Variants in TBC1D16 observed in about 807,000 individuals in gnomAD.
TBC1D16 encodes the protein CTD-2529O21.1.
TBC1D16 carries 58 observed loss-of-function variants against 74.7 expected under a neutral mutation model. The ratio of observed to expected loss-of-function variants is 0.78; its 90% CI spans 0.63 to 0.97. TBC1D16 has a LOEUF of 0.97. Ranked by LOEUF, TBC1D16 falls within the 50% of genes least tolerant of loss-of-function variation. TBC1D16 has a pLI of 0.00. For missense variants in TBC1D16, 1,014 were observed against 1,079.5 expected, an observed-to-expected ratio of 0.94 and a Z score of 0.85; for synonymous variants, 493 against 474.7, an observed-to-expected ratio of 1.04 and a Z score of -0.50.
intron 1 of TBC1D16, among the ~76,000 whole-genome samples, chr17:80,023,178 C>T (rs1194407495): frequency 6.7e-6 from 1 of 149,976 alleles, no homozygotes; most frequent in Non-Finnish European, 1.5e-5. Context: ...ATTTTAACTT[C>T]CTCCCCAGGC....
In TBC1D16 at chr17:80,008,206, C is replaced by T. The variant is rs1332638022; in HGVS notation, c.779+1954G>A. On this transcript the variant is annotated intron_variant, in intron 3 of 11. Transcript: ENST00000310924. The surrounding 1 kb of genome is among the most constrained non-coding windows in gnomAD (Gnocchi z 4.5). ...CAGCAAGGCGAAGGGCGGGGAAAAG[C>T]GAACCGGGGTGCATTCTCACAATAC... is the stretch of plus-strand genomic sequence containing the variant. Among the ~76,000 whole-genome samples, 24 of 152,162 alleles carry T rather than the reference C, an allele frequency of 1.6e-4. No homozygotes were observed. Among genetic ancestry groups the T allele is most frequent in the Non-Finnish European group, 2.9e-5 (2 of 68,006 alleles).
Position 79,950,729 on chromosome 17 carries a change from A to C in TBC1D16, c.1090-151T>G, listed in dbSNP as rs920406602. The C allele has an allele frequency of 1.2e-5, 18 of 1,536,960 alleles. No homozygotes were observed. The African/African-American group carries it at 2.3e-4, about 20-fold the overall frequency. On this transcript the variant is annotated intron_variant, in intron 5 of 11. Transcript: ENST00000310924. This position sits in a 1 kb window ranked among gnomAD's most constrained non-coding sequence, Gnocchi z 4.6. ...ATACAAACCCCTAAATGGCGAGTGT[A>C]ATTAGGCGCAATTAAAATGAAAATA... is the stretch of plus-strand genomic sequence containing the variant.
rs1372044061 is a variant in TBC1D16 at position 80,013,371 on chromosome 17, G to A, written c.177C>T (p.His59=). The A allele has an allele frequency of 2.5e-6, 4 of 1,603,412 alleles. No homozygotes were observed. The African/African-American group carries it at 5.3e-5, about 21-fold the overall frequency. The stretch of plus-strand genomic sequence containing the variant: ...GCCTCGCCTGCCCTGGCTCACCTGG[G>A]TGGTGCTCCCCCAGCCCCTGCAGCC... ...PEGLQGLGEH[H]PGYLCLYMEK... The change falls in exon 2 of 12, where the codon CAC becomes CAT. Residue 59 remains histidine (H), a synonymous_variant. Transcript: ENST00000310924.
At chr17:80,004,247 C>A (rs1056905498) in intron 3 of TBC1D16, among the ~76,000 whole-genome samples, 44 of 152,216 alleles carry the variant, frequency 2.9e-4, no homozygotes, top group African/African-American at 1.0e-3. Flanking sequence ...GCAGCCCTGC[C>A]CTGAGAGCCT....
chr17:80,006,218 C>CTCTT (rs543899877), intron 3 of TBC1D16, among the ~76,000 whole-genome samples: 3 of 147,394 alleles, frequency 2.0e-5, no homozygotes, highest in Non-Finnish European at 3.0e-5. Context: ...CTCTCTTTCT[C>CTCTT]TCTTTCTTTC....
chr17:79,985,620 C>T lies in TBC1D16; in HGVS notation c.779+24540G>A, dbSNP rs1256725749. 6.6e-6 allele frequency among the ~76,000 whole-genome samples: 1 copy of T among 152,232 alleles called. No homozygotes were observed. Among genetic ancestry groups the T allele is most frequent in the Non-Finnish European group, 1.5e-5 (1 of 68,036 alleles). The stretch of plus-strand genomic sequence containing the variant: ...TGAGACTGGTGCTGGGTCCAAGGGT[C>T]CCCATCCGGTGGCAGCCATTCCGCA... On this transcript the variant is annotated intron_variant, in intron 3 of 11. Transcript: ENST00000310924. This position sits in a 1 kb window ranked among gnomAD's most constrained non-coding sequence, Gnocchi z 4.9.
chr17:79,943,628 C>T (rs1475306178), intron 10 of TBC1D16, among the ~76,000 whole-genome samples: 2 of 144,916 alleles, frequency 1.4e-5, no homozygotes, highest in African/African-American at 5.1e-5. Context: ...GTGGCTAAAT[C>T]AAGCCCACAG....
chr17:80,020,240 C>G (rs929141376), intron 1 of TBC1D16, among the ~76,000 whole-genome samples: 1 of 149,646 alleles, frequency 6.7e-6, no homozygotes, highest in African/African-American at 2.6e-5. Context: ...GACCCTGGTA[C>G]TTTGTTAGGG....
At position 79,988,280 on chromosome 17, in the gene TBC1D16, G is replaced by A. The variant is rs1482175371; in HGVS notation, c.779+21880C>T. ...CCGAGCCTTTGATGCACTCTCCAAA[G>A]TCACAGAGCAAAACAACACGCTGAA... On this transcript the variant is annotated intron_variant, in intron 3 of 11. Coordinates refer to ENST00000310924, the MANE Select transcript of TBC1D16 (RefSeq NM_019020.4). This position sits in a 1 kb window ranked among gnomAD's most constrained non-coding sequence, Gnocchi z 5.7. Among the ~76,000 whole-genome samples the A allele has an allele frequency of 3.9e-5, 6 of 152,230 alleles. No individual in the cohort carries two copies. Among genetic ancestry groups the A allele is most frequent in the Admixed American group, 6.5e-5 (1 of 15,284 alleles).
At chr17:79,943,157 G>A (rs1393565229) in intron 10 of TBC1D16, among the ~76,000 whole-genome samples, 5 of 152,230 alleles carry the variant, frequency 3.3e-5, no homozygotes, top group South Asian at 2.1e-4. Flanking sequence ...TGACTCCCAC[G>A]CCCCAGCCTG....
In TBC1D16 at chr17:79,983,479, G is replaced by A. The variant is rs1259928159; in HGVS notation, c.779+26681C>T. ...ATCAACAGGAGTGTGGACAACCTGG[G>A]GAACAGCCATGGAGACAGTGTCCCC... On this transcript the variant is annotated intron_variant, in intron 3 of 11. Coordinates refer to ENST00000310924, the MANE Select transcript of TBC1D16 (RefSeq NM_019020.4). This position sits in a 1 kb window ranked among gnomAD's most constrained non-coding sequence, Gnocchi z 5.6. Among the ~76,000 whole-genome samples the A allele has an allele frequency of 2.6e-5, 4 of 152,204 alleles. No homozygotes were observed. Among genetic ancestry groups the A allele is most frequent in the Non-Finnish European group, 5.9e-5 (4 of 68,038 alleles).
Position 79,971,468 on chromosome 17 carries a change from C to T in TBC1D16, c.780-18650G>A, listed in dbSNP as rs1314235042. On this transcript the variant is annotated intron_variant, in intron 3 of 11. Coordinates refer to ENST00000310924, the MANE Select transcript of TBC1D16 (RefSeq NM_019020.4). The surrounding 1 kb of genome is among the most constrained non-coding windows in gnomAD (Gnocchi z 4.6). Reference sequence around the variant, plus strand: ...GGTCATCCTGGTCTGGAAGCCCTGTCCCCCAGGTCATCCTGGTCAGCAGTT... The same window carrying T: ...GGTCATCCTGGTCTGGAAGCCCTGTTCCCCAGGTCATCCTGGTCAGCAGTT... 6.6e-6 allele frequency among the ~76,000 whole-genome samples: 1 copy of T among 152,126 alleles called. No individual in the cohort carries two copies. Among genetic ancestry groups the T allele is most frequent in the Non-Finnish European group, 1.5e-5 (1 of 68,006 alleles).
At position 79,933,429 on chromosome 17, in the gene TBC1D16, A is replaced by G. The variant is rs2031383450; in HGVS notation, c.*7430T>C. ...GGACAAAGGGTGTCCCGACGACGAT[A>G]AAGAGCCAGGAGCAGAGAGCCCTGC... On this transcript the variant is annotated 3_prime_UTR_variant, in exon 12 of 12. Transcript: ENST00000310924. 6.6e-6 allele frequency: 1 copy of G among 152,224 alleles called. No homozygotes were observed. The highest frequency in any genetic ancestry group is 2.4e-5 in the African/African-American group (1 of 41,454). The allele number at this position is 152,224 out of a possible 1,614,324, so 9.4% of individuals were successfully genotyped here.
chr17:80,018,397 T>C (rs1007785974), intron 1 of TBC1D16, among the ~76,000 whole-genome samples: 11 of 149,384 alleles, frequency 7.4e-5, no homozygotes, highest in Non-Finnish European at 1.3e-4. Flanking sequence ...TTCTCCTGCT[T>C]CAGCCTCCCG....
At chr17:79,958,569 A>G (rs192995115) in intron 3 of TBC1D16, among the ~76,000 whole-genome samples, 100 of 152,362 alleles carry the variant, frequency 6.6e-4, no homozygotes, top group African/African-American at 2.2e-3. Flanking sequence ...CAAAGGCTTA[A>G]AAATGTTTAT....
chr17:79,981,192 T>C lies in TBC1D16; in HGVS notation c.780-28374A>G, dbSNP rs373604735. 1.1e-3 allele frequency among the ~76,000 whole-genome samples: 162 copies of C among 152,372 alleles called. No individual in the cohort carries two copies. In the Middle Eastern group the frequency reaches 0.02, roughly 19 times the overall value. The stretch of plus-strand genomic sequence containing the variant: ...TCCCTCCTTAATCTCCACTCGGCTT[T>C]TCCCATCCCCTGGGCCTAGTTTCAG... On this transcript the variant is annotated intron_variant, in intron 3 of 11. Coordinates refer to ENST00000310924, the MANE Select transcript of TBC1D16 (RefSeq NM_019020.4). The surrounding 1 kb of genome is among the most constrained non-coding windows in gnomAD (Gnocchi z 6.9).
At position 79,939,638 on chromosome 17, in the gene TBC1D16, G is replaced by C. The variant is rs1488472876; in HGVS notation, c.*1221C>G. On this transcript the variant is annotated 3_prime_UTR_variant, in exon 12 of 12. Transcript: ENST00000310924. The stretch of plus-strand genomic sequence containing the variant: ...TCTAAGCTGGCTGGGAGTTCTCACA[G>C]CATAGATCGCACACCCTTTTCTGTC... 3.3e-5 allele frequency: 5 copies of C among 152,192 alleles called. No homozygotes were observed. The highest frequency in any genetic ancestry group is 1.3e-4 in the Admixed American group (2 of 15,286). 9.4% of individuals were successfully genotyped at this position (152,192 alleles called of 1,614,324 possible).
intron 3 of TBC1D16, among the ~76,000 whole-genome samples, chr17:79,962,308 G>A (rs750919054): frequency 5.0e-5 from 7 of 140,444 alleles, no homozygotes; most frequent in African/African-American, 7.9e-5. Context: ...TCCACCTCCC[G>A]GACTCAAGCA....
chr17:79,980,065 C>T lies in TBC1D16; in HGVS notation c.780-27247G>A, dbSNP rs1036076378. On this transcript the variant is annotated intron_variant, in intron 3 of 11. Transcript: ENST00000310924. This position sits in a 1 kb window ranked among gnomAD's most constrained non-coding sequence, Gnocchi z 7.0. ...CACCTGGAGGAGCAGCTCACCGTGC[C>T]GTGGAGGGTGGCCGCGAGGTTCATC... 6.6e-6 allele frequency among the ~76,000 whole-genome samples: 1 copy of T among 152,120 alleles called. No individual in the cohort carries two copies. The highest frequency in any genetic ancestry group is 2.4e-5 in the African/African-American group (1 of 41,420).
Sources: allele counts gnomAD v4.1 joint callset (sites outside exome capture counted in the v4.1 genomes callset), GRCh38; gene constraint gnomAD v4.1.1; non-coding constraint Gnocchi (gnomAD v3.1); transcripts MANE v1.5; gene names NCBI Gene and HGNC (gene_info 2026-07-23, HGNC 2026-07-21).